ANKRD54: variants seen among roughly 807,000 people sequenced by gnomAD.
ANKRD54 encodes the protein ankyrin repeat domain-containing protein 54.
ANKRD54 carries 26 observed loss-of-function variants against 36.2 expected under a neutral mutation model. The ratio of observed to expected loss-of-function variants is 0.72; its 90% confidence interval spans 0.53 to 1.00. ANKRD54 has a LOEUF of 1.00. Ranked by LOEUF, ANKRD54 falls within the 50% of genes least tolerant of loss-of-function variation. The pLI, the probability that ANKRD54 is intolerant of heterozygous loss-of-function variation, is 0.00. For missense variants in ANKRD54, 384 were observed against 424.3 expected, an observed-to-expected ratio of 0.91 and a Z score of 0.83; for synonymous variants, 209 against 188.4, an observed-to-expected ratio of 1.11 and a Z score of -0.89.
Position 37,831,668 on chromosome 22 carries a change from G to A in ANKRD54, c.*275C>T, listed in dbSNP as rs149231274. On this transcript the variant is annotated 3_prime_UTR_variant, in exon 8 of 8. Transcript: ENST00000215941. The stretch of plus-strand genomic sequence containing the variant: ...TGCTGAGATAGCGCAGGTCTGCGGA[G>A]CTGAAGTGCAGCTGCAGAGGCTGGT... The A allele has an allele frequency of 3.8e-3, 1,937 of 513,450 alleles. 4 individuals carry two copies. The highest frequency in any genetic ancestry group is 0.01 in the Middle Eastern group (19 of 1,836). 31.8% of individuals were successfully genotyped at this position (513,450 alleles called of 1,614,324 possible).
At chr22:37,837,039 A>C (rs1424035651) in intron 3 of ANKRD54, among the ~76,000 whole-genome samples, 1 of 152,046 alleles carries the variant, frequency 6.6e-6, no homozygotes, top group East Asian at 1.9e-4. Flanking sequence ...AAAAAAAAAA[A>C]AAAAGGCCAA....
chr22:37,843,249 C>T (rs1361345048), intron 1 of ANKRD54, among the ~76,000 whole-genome samples: 1 of 151,978 alleles, frequency 6.6e-6, no homozygotes, highest in African/African-American at 2.4e-5. Flanking sequence ...ATGGTGAAAC[C>T]CCATCTTTAC....
chr22:37,849,259 T>TG (rs1925008763), upstream of ANKRD54: 8 of 663,486 alleles, frequency 1.2e-5, no homozygotes, highest in South Asian at 1.3e-4. Flanking sequence ...CCCAAACTGG[T>TG]GGGGTTACAG....
chr22:37,831,536 G>T lies in ANKRD54; in HGVS notation c.*407C>A, dbSNP rs1227066391. 4 of 189,332 alleles carry T rather than the reference G, an allele frequency of 2.1e-5. No individual in the cohort carries two copies. Among genetic ancestry groups the T allele is most frequent in the Non-Finnish European group, 3.3e-5 (3 of 90,072 alleles). 11.7% of individuals were successfully genotyped at this position (189,332 alleles called of 1,614,324 possible). A position where few individuals can be genotyped will look rare whatever the true frequency, so the allele number is the denominator to read the frequency against. On this transcript the variant is annotated 3_prime_UTR_variant, in exon 8 of 8. Coordinates refer to ENST00000215941, the MANE Select transcript of ANKRD54 (RefSeq NM_138797.4). ...CAGTACCCCTGGCCACAGGGTGCCC[G>T]CCTAAGCCCACACCTGCTGACTGCA...
chr22:37,832,389 G>A (rs1922997028), intron 7 of ANKRD54, among the ~76,000 whole-genome samples: 1 of 151,992 alleles, frequency 6.6e-6, no homozygotes, highest in African/African-American at 2.4e-5. Context: ...TGTTCTGAGA[G>A]GACCTTGCTT....
At chr22:37,843,806 G>A in intron 1 of ANKRD54, 105 bp downstream of exon 1, 1 of 843,592 alleles carries the variant, frequency 1.2e-6, no homozygotes, top group Non-Finnish European at 1.5e-6. Context: ...GGGGGACCCC[G>A]GCTGAGGGTC....
At chr22:37,835,100 C>T (rs146481964) in intron 3 of ANKRD54, among the ~76,000 whole-genome samples, 2 of 147,552 alleles carry the variant, frequency 1.4e-5, no homozygotes, top group East Asian at 2.0e-4. Context: ...CAGGAGCTCA[C>T]GCCTGTAATC....
upstream of ANKRD54, among the ~76,000 whole-genome samples, chr22:37,845,794 G>A (rs1924804640): frequency 6.6e-6 from 1 of 152,110 alleles, no homozygotes; most frequent in Non-Finnish European, 1.5e-5. Flanking sequence ...GCTTGAACCT[G>A]GGAGGCAGAG....
intron 3 of ANKRD54, among the ~76,000 whole-genome samples, chr22:37,838,134 CAAA>C (rs879514156): frequency 7.4e-6 from 1 of 135,824 alleles, no homozygotes; most frequent in African/African-American, 2.7e-5. Context: ...GACTCCATCT[CAAA>C]AAAAAAAAAG....
Position 37,844,193 on chromosome 22 carries a change from G to T in ANKRD54, c.46C>A (p.His16Asn). 3 of 1,518,958 alleles carry T rather than the reference G, an allele frequency of 2.0e-6. No homozygotes were observed. Among genetic ancestry groups the T allele is most frequent in the East Asian group, 2.7e-5 (1 of 37,130 alleles). 94.1% of individuals were successfully genotyped at this position (1,518,958 alleles called of 1,614,324 possible). The change falls in exon 1 of 8, where the codon CAC becomes AAC. Residue 16 changes from histidine (H) to asparagine (N), a missense_variant. His to Asn is a moderately conservative substitution (Grantham distance 68). Around this residue, in one of 3 missense-constraint regions of ANKRD54, gnomAD observed 195 missense variants for 177.7 expected, o/e 1.10. Transcript: ENST00000215941. ...GDADDEPRSG[H>N]SSSEGECAVA... is the part of the protein sequence containing the mutation. ...GCGCACTCGCCCTCCGAGCTCGAGT[G>T]GCCTGAGCGCGGCTCGTCGTCCGCG...
Position 37,844,262 on chromosome 22 carries a change from G to T in ANKRD54, c.-24C>A. 2 of 1,542,640 alleles carry T rather than the reference G, an allele frequency of 1.3e-6. No homozygotes were observed. Among genetic ancestry groups the T allele is most frequent in the Non-Finnish European group, 1.7e-6 (2 of 1,153,314 alleles). ...ATGGCAACGGCTCCGCGCGGGCCTG[G>T]CCGCCTGAGCCTCGTTCCCGACCGA... On this transcript the variant is annotated 5_prime_UTR_variant, in exon 1 of 8. Transcript: ENST00000215941.
upstream of ANKRD54, chr22:37,849,282 G>C: frequency 2.4e-6 from 2 of 821,716 alleles, no homozygotes; most frequent in Non-Finnish European, 4.2e-6. Flanking sequence ...GTGAGCCACG[G>C]AACGCGGCTC....
chr22:37,846,028 A>T (rs1301850068), upstream of ANKRD54, among the ~76,000 whole-genome samples: 1 of 151,698 alleles, frequency 6.6e-6, no homozygotes, highest in East Asian at 1.9e-4. Context: ...CAAAAAAATT[A>T]GCCTGGTGTG....
chr22:37,847,583 A>C (rs1924909544), upstream of ANKRD54: 1 of 459,144 alleles, frequency 2.2e-6, no homozygotes, highest in Non-Finnish European at 4.2e-6. Context: ...GTTAGATCAG[A>C]TCTCTTTCAC....
At position 37,840,181 on chromosome 22, in the gene ANKRD54, A is replaced by G. The variant is rs764868784; in HGVS notation, c.376+6T>C. 4 of 1,613,762 alleles carry G rather than the reference A, an allele frequency of 2.5e-6. No homozygotes were observed. Among genetic ancestry groups the G allele is most frequent in the East Asian group, 2.2e-5 (1 of 44,872 alleles). ...CCCTGTAGCTGGACCTACTGTGCAC[A>G]CTCACCTGTTTCCACATCATTGGCA... is the stretch of plus-strand genomic sequence containing the variant. On this transcript the variant is annotated splice_donor_region_variant and intron_variant, in intron 2 of 7. Coordinates refer to ENST00000215941, the MANE Select transcript of ANKRD54 (RefSeq NM_138797.4).
At chr22:37,846,728 A>G (rs535525778), upstream of ANKRD54, among the ~76,000 whole-genome samples, 1 of 151,992 alleles carries the variant, frequency 6.6e-6, no homozygotes, top group Non-Finnish European at 1.5e-5. Context: ...ATCCAGCCCC[A>G]TGAAAATCTT....
intron 7 of ANKRD54, among the ~76,000 whole-genome samples, chr22:37,832,324 G>A (rs2145954209): frequency 6.6e-6 from 1 of 152,220 alleles, no homozygotes. Flanking sequence ...TTTGAGACAG[G>A]GCCTTGCTCT....
rs1922905181 is a variant in ANKRD54 at position 37,831,757 on chromosome 22, CTG to C, written c.*184_*185del. 3.4e-6 allele frequency: 2 copies of C among 592,694 alleles called. No individual in the cohort carries two copies. The highest frequency in any genetic ancestry group is 3.0e-5 in the Admixed American group (1 of 33,578). 36.7% of individuals were successfully genotyped at this position (592,694 alleles called of 1,614,324 possible). Reference sequence around the variant, plus strand: ...TCCCTGTCCACAGAGATGCTGGAAACTGTGGCTGGGAGTGGCTCTGAGGCCGT... The same window carrying C: ...TCCCTGTCCACAGAGATGCTGGAAACTGGCTGGGAGTGGCTCTGAGGCCGT... On this transcript the variant is annotated 3_prime_UTR_variant, in exon 8 of 8. Coordinates refer to ENST00000215941, the MANE Select transcript of ANKRD54 (RefSeq NM_138797.4).
rs983968074 is a variant in ANKRD54 at position 37,842,031 on chromosome 22, C to T, written c.329-1797G>A. 9.3e-5 allele frequency among the ~76,000 whole-genome samples: 14 copies of T among 150,906 alleles called. No individual in the cohort carries two copies. The South Asian group carries it at 2.9e-3, about 31-fold the overall frequency. Reference sequence around the variant, plus strand: ...CTCCAGCCTGGGTGGCAGAGCAACACTCCATCTCAAAAAAAAAGAAAGAAA... The same window carrying T: ...CTCCAGCCTGGGTGGCAGAGCAACATTCCATCTCAAAAAAAAAGAAAGAAA... On this transcript the variant is annotated intron_variant, in intron 1 of 7. Transcript: ENST00000215941.
Sources: gnomAD v4.1 joint callset for allele counts (sites outside exome capture counted in the v4.1 genomes callset) on GRCh38, gnomAD v4.1.1 for gene constraint, gnomAD v4.1.1 regional missense constraint, MANE v1.5 for transcripts, NCBI Gene and HGNC (gene_info 2026-07-23, HGNC 2026-07-21) for gene names.